Variants in TAF1B observed in about 807,000 individuals in gnomAD.
The protein encoded by TAF1B is TATA box-binding protein-associated factor RNA polymerase I subunit B.
TAF1B carries 61 observed loss-of-function variants against 83.9 expected under a neutral mutation model. The ratio of observed to expected loss-of-function variants is 0.73; its 90% CI spans 0.59 to 0.90. The LOEUF (loss-of-function observed/expected upper bound fraction) is 0.90. Among genes scored for constraint, TAF1B ranks in the 40% least tolerant of loss-of-function variants. The pLI is 0.00. For missense variants in TAF1B, 625 were observed against 677.0 expected, an observed-to-expected ratio of 0.92 and a Z score of 0.85; for synonymous variants, 221 against 224.6, an observed-to-expected ratio of 0.98 and a Z score of 0.14.
chr2:9,845,382 T>C, intron 2 of TAF1B, 64 bp downstream of exon 2: 4 of 1,358,922 alleles, frequency 2.9e-6, no homozygotes, highest in Middle Eastern at 1.9e-4. Context: ...CAGCCTGATA[T>C]GTAGTCTAAG....
At chr2:9,912,096 G>A (rs1192003104) in intron 11 of TAF1B, among the ~76,000 whole-genome samples, 4 of 152,156 alleles carry the variant, frequency 2.6e-5, no homozygotes, top group Admixed American at 6.5e-5. Flanking sequence ...TAGATGTTTA[G>A]TGCCTTGAGG....
intron 14 of TAF1B, among the ~76,000 whole-genome samples, chr2:9,927,491 T>C (rs868839292): frequency 2.6e-5 from 4 of 152,254 alleles, no homozygotes; most frequent in African/African-American, 9.6e-5. Context: ...CTACCAATAG[T>C]GTGAAAGCAT....
intron 14 of TAF1B, among the ~76,000 whole-genome samples, chr2:9,921,479 A>G (rs556801282): frequency 1.3e-5 from 2 of 152,198 alleles, no homozygotes; most frequent in Non-Finnish European, 2.9e-5. Context: ...TTTTTCTTTA[A>G]TTGTACTGAA....
chr2:9,861,833 CAG>C (rs952974447), intron 5 of TAF1B, among the ~76,000 whole-genome samples: 4 of 152,200 alleles, frequency 2.6e-5, no homozygotes, highest in Non-Finnish European at 4.4e-5. Flanking sequence ...CCCAGGCAAA[CAG>C]GGTCTGGAGT....
In TAF1B at chr2:9,910,810, C is replaced by G; in HGVS notation, c.1030C>G (p.Pro344Ala). ...MGEVDFLTFD[P>A]IAKMAKTVKY... ...AGAAGTGGATTTTCTGACATTTGAT[C>G]CTATAGCTAAAATGGCAAAAACTGT... Residue 344 changes from proline to alanine, a missense_variant, in exon 10 of 15, where the codon CCT becomes GCT. Transcript: ENST00000263663. 6.2e-7 allele frequency: 1 copy of G among 1,613,574 alleles called. No homozygotes were observed. The highest frequency in any genetic ancestry group is 8.5e-7 in the Non-Finnish European group (1 of 1,179,688).
chr2:9,916,262 GAA>G (rs1444401267), intron 12 of TAF1B, among the ~76,000 whole-genome samples: 1 of 152,200 alleles, frequency 6.6e-6, no homozygotes, highest in Non-Finnish European at 1.5e-5. Context: ...AGACAAGAGA[GAA>G]ATATATAGAT....
intron 12 of TAF1B, among the ~76,000 whole-genome samples, chr2:9,917,287 AATG>A (rs1288389927): frequency 6.6e-6 from 1 of 152,242 alleles, no homozygotes; most frequent in Non-Finnish European, 1.5e-5. Flanking sequence ...AATCGGTTAA[AATG>A]ATTATTTGCT....
chr2:9,863,322 A>C (rs1004044658), intron 5 of TAF1B, among the ~76,000 whole-genome samples: 6 of 152,248 alleles, frequency 3.9e-5, no homozygotes, highest in African/African-American at 1.4e-4. Context: ...ACAGACTTTA[A>C]ACCAACAAAG....
intron 14 of TAF1B, among the ~76,000 whole-genome samples, chr2:9,927,169 C>CTTCA (rs1247894591): frequency 2.6e-5 from 4 of 152,116 alleles, no homozygotes; most frequent in Non-Finnish European, 5.9e-5. Flanking sequence ...TGGTTTCCAG[C>CTTCA]TTCATTCATG....
At chr2:9,887,979 A>G (rs1558251235) in intron 8 of TAF1B, among the ~76,000 whole-genome samples, 1 of 152,148 alleles carries the variant, frequency 6.6e-6, no homozygotes, top group African/African-American at 2.4e-5. Flanking sequence ...CAGCCTCCCT[A>G]GTAGCTAGGA....
chr2:9,908,810 G>T (rs1027287786), intron 9 of TAF1B, among the ~76,000 whole-genome samples: 4 of 152,192 alleles, frequency 2.6e-5, no homozygotes, highest in African/African-American at 7.2e-5. Context: ...CAACACTAAA[G>T]CCTTGTTGGA....
intron 6 of TAF1B, among the ~76,000 whole-genome samples, chr2:9,870,695 A>T (rs1279659834): frequency 6.6e-6 from 1 of 152,178 alleles, no homozygotes; most frequent in Non-Finnish European, 1.5e-5. Context: ...AGTCCCCAGT[A>T]CATGCATGTG....
intron 8 of TAF1B, among the ~76,000 whole-genome samples, chr2:9,897,055 A>G (rs1232562491): frequency 1.3e-5 from 2 of 152,084 alleles, no homozygotes; most frequent in South Asian, 2.1e-4. Flanking sequence ...TTGTGACTCA[A>G]CTTTCTGGAG....
At chr2:9,862,046 C>G (rs1663787503) in intron 5 of TAF1B, among the ~76,000 whole-genome samples, 1 of 150,002 alleles carries the variant, frequency 6.7e-6, no homozygotes, top group South Asian at 2.1e-4. Flanking sequence ...CGCCTCTCCT[C>G]CAAAGGAACG....
intron 14 of TAF1B, among the ~76,000 whole-genome samples, chr2:9,922,469 G>C (rs1572289608): frequency 6.6e-6 from 1 of 151,988 alleles, no homozygotes; most frequent in South Asian, 2.1e-4. Context: ...TATCCACATG[G>C]GCTCACTTCT....
intron 5 of TAF1B, among the ~76,000 whole-genome samples, chr2:9,868,024 A>G (rs1317358722): frequency 6.6e-6 from 1 of 152,224 alleles, no homozygotes; most frequent in Non-Finnish European, 1.5e-5. Flanking sequence ...AGAGATGTTC[A>G]TGGAAGAAGG....
At chr2:9,845,082 C>G in intron 1 of TAF1B, 138 bp from the exon 2 acceptor site, 1 of 523,280 alleles carries the variant, frequency 1.9e-6, no homozygotes, top group Non-Finnish European at 3.3e-6. Flanking sequence ...CGGATAATCT[C>G]TCTGACATAT....
intron 7 of TAF1B, among the ~76,000 whole-genome samples, chr2:9,880,652 A>G (rs1664476792): frequency 6.6e-6 from 1 of 152,028 alleles, no homozygotes; most frequent in African/African-American, 2.4e-5. Flanking sequence ...CTACTGACTC[A>G]TGTGCAGGCT....
Position 9,875,979 on chromosome 2 carries a change from T to G in TAF1B, c.668T>G (p.Leu223Arg), listed in dbSNP as rs1252454996. The G allele has an allele frequency of 6.2e-7, 1 of 1,612,934 alleles. No homozygotes were observed. Among genetic ancestry groups the G allele is most frequent in the South Asian group, 1.1e-5 (1 of 90,928 alleles). The change falls in exon 7 of 15, where the codon CTT becomes CGT. Residue 223 changes from leucine to arginine, a missense_variant. Coordinates refer to ENST00000263663, the MANE Select transcript of TAF1B (RefSeq NM_005680.3). The stretch of plus-strand genomic sequence containing the variant: ...CTTGCCTTCTGTTATCTGTCCTTAC[T>G]TTGGCAGAGAGAAGCAATAACACTT... ...QTLAFCYLSLLWQREAITLSD... is the reference protein window; with the variant it reads ...QTLAFCYLSLRWQREAITLSD...
Sources: gnomAD v4.1 joint callset for allele counts (sites outside exome capture counted in the v4.1 genomes callset) on GRCh38, gnomAD v4.1.1 for gene constraint, MANE v1.5 for transcripts, NCBI Gene and HGNC (gene_info 2026-07-23, HGNC 2026-07-21) for gene names.